FANK1: variants seen among roughly 807,000 people sequenced by gnomAD.
FANK1 encodes fibronectin type III and ankyrin repeat domains 1, also known as fibronectin type 3 and ankyrin repeat domains protein 1.
FANK1 carries 44 observed loss-of-function variants against 45.3 expected under a neutral mutation model. The ratio of observed to expected loss-of-function variants is 0.97; its 90% confidence interval spans 0.76 to 1.25. The LOEUF (loss-of-function observed/expected upper bound fraction) is 1.25. FANK1 is among the 50% of genes most tolerant of loss of function. FANK1 has a pLI of 0.00. For missense variants in FANK1, 391 were observed against 424.4 expected (o/e 0.92, Z 0.69); for synonymous variants, 149 against 152.5 (o/e 0.98, Z 0.17).
intron 1 of FANK1, among the ~76,000 whole-genome samples, chr10:125,936,329 C>A (rs1554921899): frequency 1.3e-5 from 2 of 148,550 alleles, no homozygotes; most frequent in Non-Finnish European, 1.5e-5. Context: ...TTAAACATAA[C>A]TTTTTATAGA....
At chr10:125,920,788 TTAATA>T (rs1946890068) in intron 1 of FANK1, among the ~76,000 whole-genome samples, 1 of 152,194 alleles carries the variant, frequency 6.6e-6, no homozygotes, top group Non-Finnish European at 1.5e-5. Context: ...TTTAAAAGGT[TTAATA>T]TGAGTTTATA....
At chr10:125,923,674 C>T (rs7081784) in intron 1 of FANK1, among the ~76,000 whole-genome samples, 13 of 151,454 alleles carry the variant, frequency 8.6e-5, no homozygotes, top group African/African-American at 2.9e-4. Flanking sequence ...ACCACAGGCA[C>T]GTGCCACCAT....
chr10:125,933,548 G>T (rs970882140), intron 1 of FANK1, among the ~76,000 whole-genome samples: 2 of 151,938 alleles, frequency 1.3e-5, no homozygotes, highest in Non-Finnish European at 2.9e-5. Flanking sequence ...CTTGCTAATG[G>T]TCTATCAATT....
At chr10:125,997,223 G>T (rs182553258) in intron 5 of FANK1, among the ~76,000 whole-genome samples, 197 bp from the exon 6 acceptor site, 1 of 152,298 alleles carries the variant, frequency 6.6e-6, no homozygotes, top group African/African-American at 2.4e-5. Flanking sequence ...AAAGGTAAAA[G>T]CCCACATTTC....
chr10:125,911,585 T>G (rs1246845709), intron 1 of FANK1, among the ~76,000 whole-genome samples: 7 of 152,216 alleles, frequency 4.6e-5, no homozygotes, highest in Admixed American at 6.5e-5. Context: ...GACTAGGTAG[T>G]TAGTTTTGAT....
At chr10:125,932,180 C>T (rs1013063959) in intron 1 of FANK1, among the ~76,000 whole-genome samples, 13 of 152,134 alleles carry the variant, frequency 8.5e-5, no homozygotes, top group Middle Eastern at 3.4e-3. Context: ...TTTGGCTCTG[C>T]GGGCTCTTTT....
chr10:125,941,224 A>T (rs1280288695), intron 1 of FANK1, among the ~76,000 whole-genome samples: 1 of 152,228 alleles, frequency 6.6e-6, no homozygotes, highest in East Asian at 1.9e-4. Context: ...TACATAAAGA[A>T]TTTCTACAAG....
At chr10:125,980,100 G>T in intron 1 of FANK1, 61 bp from the exon 2 acceptor site, 1 of 1,547,524 alleles carries the variant, frequency 6.5e-7, no homozygotes, top group South Asian at 1.2e-5. Flanking sequence ...TAATCCACTC[G>T]ACTGGTCTCT....
At chr10:125,896,938 A>G (rs2134092665) in intron 1 of FANK1, among the ~76,000 whole-genome samples, 1 of 152,252 alleles carries the variant, frequency 6.6e-6, no homozygotes, top group East Asian at 1.9e-4. Flanking sequence ...CAGCGACCCC[A>G]GCGTGCGTCT....
At chr10:126,004,791 G>C in intron 6 of FANK1, 93 bp from the exon 7 acceptor site, 1 of 1,307,004 alleles carries the variant, frequency 7.7e-7, no homozygotes, top group Admixed American at 1.8e-5. Context: ...ACTCAAGTTA[G>C]GATTTCTTGG....
intron 2 of FANK1, among the ~76,000 whole-genome samples, chr10:125,984,936 A>T (rs983508961): frequency 6.6e-6 from 1 of 152,190 alleles, no homozygotes; most frequent in Non-Finnish European, 1.5e-5. Flanking sequence ...TGCTCTCATG[A>T]GTCCTCCCTG....
chr10:125,994,451 T>C (rs1952166933), intron 3 of FANK1: 1 of 985,184 alleles, frequency 1.0e-6, no homozygotes. Flanking sequence ...TCTTGCCGTT[T>C]GCGGATGAGG....
chr10:125,941,548 A>G (rs1948453361), intron 1 of FANK1, among the ~76,000 whole-genome samples: 1 of 152,246 alleles, frequency 6.6e-6, no homozygotes, highest in Admixed American at 6.5e-5. Flanking sequence ...TTTCACTGCT[A>G]TGTCTAGGCC....
chr10:125,998,335 C>T (rs1201082205), intron 6 of FANK1, among the ~76,000 whole-genome samples: 1 of 152,216 alleles, frequency 6.6e-6, no homozygotes, highest in Admixed American at 6.5e-5. Context: ...TCTACATTTA[C>T]ATTCTCTGAA....
intron 1 of FANK1, among the ~76,000 whole-genome samples, chr10:125,949,017 C>A (rs1949013712): frequency 6.7e-6 from 1 of 149,258 alleles, no homozygotes; most frequent in South Asian, 2.2e-4. Flanking sequence ...AAGACAAAAA[C>A]CACATGATTA....
At chr10:125,987,143 C>T (rs1000244863) in intron 2 of FANK1, among the ~76,000 whole-genome samples, 2 of 151,860 alleles carry the variant, frequency 1.3e-5, no homozygotes, top group African/African-American at 4.9e-5. Context: ...TTTTCTTGGA[C>T]CCCATCAGTA....
chr10:125,930,514 T>C (rs1243741568), intron 1 of FANK1, among the ~76,000 whole-genome samples: 1 of 151,830 alleles, frequency 6.6e-6, no homozygotes, highest in Non-Finnish European at 1.5e-5. Context: ...TTTTTTTTTT[T>C]TTTATTAGAC....
intron 1 of FANK1, among the ~76,000 whole-genome samples, chr10:125,947,973 C>G (rs1352426078): frequency 1.3e-5 from 2 of 150,494 alleles, no homozygotes; most frequent in Non-Finnish European, 3.0e-5. Context: ...CTCAAAGCCA[C>G]TCAACTACCT....
At chr10:125,908,026 C>T (rs1434752599) in intron 1 of FANK1, among the ~76,000 whole-genome samples, 2 of 130,624 alleles carry the variant, frequency 1.5e-5, no homozygotes, top group Non-Finnish European at 3.3e-5. Flanking sequence ...ACAAGAGTTT[C>T]CCTCTTGTTT....
Sources: gnomAD v4.1 joint callset for allele counts (sites outside exome capture counted in the v4.1 genomes callset) on GRCh38, gnomAD v4.1.1 for gene constraint, MANE v1.5 for transcripts, NCBI Gene and HGNC (gene_info 2026-07-23, HGNC 2026-07-21) for gene names.